CRNKL1: variants seen among roughly 807,000 people sequenced by gnomAD.
CRNKL1 encodes the protein crooked neck pre-mRNA splicing factor 1.
CRNKL1 carries 35 observed loss-of-function variants against 103.7 expected under a neutral mutation model. The ratio of observed to expected loss-of-function variants is 0.34; its 90% confidence interval spans 0.26 to 0.45. CRNKL1 has a LOEUF of 0.45. CRNKL1 is among the 20% of genes least tolerant of loss of function. CRNKL1 has a pLI of 1.00. For synonymous variants in CRNKL1, 267 were observed against 282.6 expected (o/e 0.94, Z 0.55); for missense variants, 645 against 836.0 (o/e 0.77, Z 2.82).
Position 20,035,689 on chromosome 20 carries a change from A to C in CRNKL1, c.*506T>G, listed in dbSNP as rs2043408390. The stretch of plus-strand genomic sequence containing the variant: ...AGAACAAACAATTTACTGAGCACTT[A>C]CTATGCACCCACCAGGTATATTCCT... On this transcript the variant is annotated 3_prime_UTR_variant, in exon 14 of 14. Transcript: ENST00000536226. The C allele has an allele frequency of 6.5e-6, 1 of 153,362 alleles. No homozygotes were observed. The highest frequency in any genetic ancestry group is 2.4e-5 in the African/African-American group (1 of 41,478). 9.5% of individuals were successfully genotyped at this position (153,362 alleles called of 1,614,324 possible). A position where few individuals can be genotyped will look rare whatever the true frequency, so the allele number is the denominator to read the frequency against.
At chr20:20,053,494 G>A (rs1054261177), upstream of CRNKL1, among the ~76,000 whole-genome samples, 2 of 152,164 alleles carry the variant, frequency 1.3e-5, no homozygotes, top group Non-Finnish European at 2.9e-5. Flanking sequence ...TATGAGGTTG[G>A]ACAAATGTAT....
Position 20,039,653 on chromosome 20 carries a change from T to C in CRNKL1, c.1501A>G (p.Ile501Val), listed in dbSNP as rs765158727. 4 of 1,614,082 alleles carry C rather than the reference T, an allele frequency of 2.5e-6. No individual in the cohort carries two copies. The highest frequency in any genetic ancestry group is 1.6e-4 in the Middle Eastern group (1 of 6,084). ...ILGDIDRARA[I>V]YELAISQPRL... Reference sequence around the variant, plus strand: ...GGCTGACTGATGGCTAATTCATAGATTGCCCGTGCTCTGTCAATATCACCA... The same window carrying C: ...GGCTGACTGATGGCTAATTCATAGACTGCCCGTGCTCTGTCAATATCACCA... Residue 501 changes from isoleucine to valine, a missense_variant, in exon 11 of 14, where the codon ATC becomes GTC. Coordinates refer to ENST00000536226, the MANE Select transcript of CRNKL1 (RefSeq NM_001278628.2).
At position 20,049,232 on chromosome 20, in the gene CRNKL1, A is replaced by C. The variant is rs528931290; in HGVS notation, c.296+108T>G. ...CATGGAACCAAAGTTGAAAATTTCT[A>C]CCCGAGGCACAATCTTTTACCTGTG... On this transcript the variant is annotated intron_variant, in intron 3 of 13. Coordinates refer to ENST00000536226, the MANE Select transcript of CRNKL1 (RefSeq NM_001278628.2). 4.5e-6 allele frequency: 3 copies of C among 669,534 alleles called. No homozygotes were observed. The South Asian group carries it at 6.5e-5, about 14-fold the overall frequency. The allele number at this position is 669,534 out of a possible 1,614,324, so 41.5% of individuals were successfully genotyped here. A position where few individuals can be genotyped will look rare whatever the true frequency, so the allele number is the denominator to read the frequency against.
Position 20,036,146 on chromosome 20 carries a change from A to G in CRNKL1, c.*49T>C. 1 of 1,582,312 alleles carries G rather than the reference A, an allele frequency of 6.3e-7. No homozygotes were observed. The highest frequency in any genetic ancestry group is 1.4e-5 in the African/African-American group (1 of 73,754). On this transcript the variant is annotated 3_prime_UTR_variant, in exon 14 of 14. Coordinates refer to ENST00000536226, the MANE Select transcript of CRNKL1 (RefSeq NM_001278628.2). The stretch of plus-strand genomic sequence containing the variant: ...AACTTCCAGGAGTCACAAGAGTTCC[A>G]AACAATTAATTTATAAAAATAACAA...
rs752054296 is a variant in CRNKL1, at chr20:20,034,781, T to C, written c.*1414A>G. On this transcript the variant is annotated 3_prime_UTR_variant, in exon 14 of 14. Coordinates refer to ENST00000536226, the MANE Select transcript of CRNKL1 (RefSeq NM_001278628.2). ...TTATCTCAACAACAGTCCTAGTTTC[T>C]TCTGTCCTCAAACACTGTTATTTAT... is the stretch of plus-strand genomic sequence containing the variant. 2 of 152,240 alleles carry C rather than the reference T, an allele frequency of 1.3e-5. No homozygotes were observed. Among genetic ancestry groups the C allele is most frequent in the Non-Finnish European group, 2.9e-5 (2 of 68,044 alleles). The allele number at this position is 152,240 out of a possible 1,614,324, so 9.4% of individuals were successfully genotyped here.
intron 2 of CRNKL1, among the ~76,000 whole-genome samples, chr20:20,049,974 C>T (rs1247320904): frequency 1.1e-4 from 16 of 152,140 alleles, no homozygotes; most frequent in Admixed American, 2.0e-4. Flanking sequence ...CCTGCCACCA[C>T]GCCTGGCTAA....
intron 2 of CRNKL1, 44 bp downstream of exon 2, chr20:20,050,426 C>A: frequency 6.4e-7 from 1 of 1,572,060 alleles, no homozygotes; most frequent in Non-Finnish European, 8.7e-7. Flanking sequence ...CTGACCGATA[C>A]AGTCTTAACA....
At position 20,047,771 on chromosome 20, in the gene CRNKL1, C is replaced by G; in HGVS notation, c.616G>C (p.Glu206Gln). 6.2e-7 allele frequency: 1 copy of G among 1,614,030 alleles called. No homozygotes were observed. The highest frequency in any genetic ancestry group is 8.5e-7 in the Non-Finnish European group (1 of 1,179,906). The change falls in exon 5 of 14, where the codon GAG becomes CAG. Residue 206 changes from glutamate to glutamine, a missense_variant. By Grantham distance (29) the Glu-to-Gln change is conservative. Coordinates refer to ENST00000536226, the MANE Select transcript of CRNKL1 (RefSeq NM_001278628.2). ...GATCTCGTCCAAAGGATATATCGCT[C>G]ATAAATGGTGCGGGCCCGATCCACC... ...KEVDRARTIY[E>Q]RFVLVHPDVK...
chr20:20,038,970 G>A (rs2043467453), intron 11 of CRNKL1, among the ~76,000 whole-genome samples: 1 of 152,208 alleles, frequency 6.6e-6, no homozygotes, highest in African/African-American at 2.4e-5. Flanking sequence ...GTCTGGTGGA[G>A]GAGCCGAGGA....
Position 20,040,760 on chromosome 20 carries a change from A to G in CRNKL1, c.1231T>C (p.Phe411Leu), listed in dbSNP as rs761873225. ...GCATACAGTATCCACATTTTGGCAA[A>G]TGTGAACTAGAAAACAAAAGCACAA... ...LELIPHKKFTFAKMWILYAQF... is the reference protein window; with the variant it reads ...LELIPHKKFTLAKMWILYAQF... The change falls in exon 10 of 14, where the codon TTT (phenylalanine) becomes CTT (leucine). Residue 411 changes from phenylalanine to leucine, a missense_variant. Physicochemically the swap from Phe to Leu is conservative, Grantham distance 22. Around this residue, in one of 2 missense-constraint regions of CRNKL1, gnomAD observed 582 missense variants for 707.7 expected, o/e 0.82. Coordinates refer to ENST00000536226, the MANE Select transcript of CRNKL1 (RefSeq NM_001278628.2). The G allele has an allele frequency of 3.1e-6, 5 of 1,606,950 alleles. No homozygotes were observed. In the South Asian group the frequency reaches 5.6e-5, roughly 18 times the overall value.
chr20:20,041,457 TG>T, intron 9 of CRNKL1, 108 bp downstream of exon 9: 1 of 867,296 alleles, frequency 1.2e-6, no homozygotes, highest in South Asian at 1.5e-5. Flanking sequence ...TTGTCCATGG[TG>T]GGACAGGGAA....
In CRNKL1 at chr20:20,042,400, A is replaced by T. The variant is rs776317200; in HGVS notation, c.1089T>A (p.Ile363=). 2 of 1,614,142 alleles carry T rather than the reference A, an allele frequency of 1.2e-6. No homozygotes were observed. Among genetic ancestry groups the T allele is most frequent in the Non-Finnish European group, 1.7e-6 (2 of 1,180,010 alleles). Residue 363 remains isoleucine (I), a synonymous_variant, in exon 8 of 14, where the codon ATT becomes ATA. Coordinates refer to ENST00000536226, the MANE Select transcript of CRNKL1 (RefSeq NM_001278628.2). ...YERAIANVPP[I]QEKRHWKRYI... is the part of the protein sequence containing the mutation. ...AGCGCTTCCAGTGCCTCTTCTCCTG[A>T]ATGGGTGGGACATTGGCAATGGCCC...
chr20:20,038,902 G>A lies in CRNKL1; in HGVS notation c.1546-452C>T, dbSNP rs150354899. Among the ~76,000 whole-genome samples the A allele has an allele frequency of 9.2e-5, 14 of 152,322 alleles. No homozygotes were observed. The East Asian group carries it at 2.7e-3, about 29-fold the overall frequency. ...CTGAACAGGTGCGCACTGGCTCGGTGCAGCCTGGCAGGGAATAAGGATGAA... is the reference window on the plus strand; with the variant it reads ...CTGAACAGGTGCGCACTGGCTCGGTACAGCCTGGCAGGGAATAAGGATGAA... On this transcript the variant is annotated intron_variant, in intron 11 of 13. Transcript: ENST00000536226.
chr20:20,036,438 G>A (rs1339563248), intron 13 of CRNKL1, 76 bp from the exon 14 acceptor site: 2 of 1,368,490 alleles, frequency 1.5e-6, no homozygotes, highest in Non-Finnish European at 2.0e-6. Context: ...ATTTTTACTG[G>A]AAATCCGGAT....
At chr20:20,045,622 C>G (rs762268723) in intron 5 of CRNKL1, 136 bp from the exon 6 acceptor site, 33 of 718,726 alleles carry the variant, frequency 4.6e-5, no homozygotes, top group Non-Finnish European at 7.3e-5. Context: ...AAAACACATA[C>G]AAAAGTGTAG....
chr20:20,049,608 AC>A (rs2043652605), intron 2 of CRNKL1, among the ~76,000 whole-genome samples, 177 bp from the exon 3 acceptor site: 1 of 152,204 alleles, frequency 6.6e-6, no homozygotes, highest in Non-Finnish European at 1.5e-5. Flanking sequence ...CAGTCAACTA[AC>A]TGATACTTTA....
intron 7 of CRNKL1, 152 bp from the exon 8 acceptor site, chr20:20,042,668 T>C: frequency 1.5e-6 from 1 of 683,074 alleles, no homozygotes; most frequent in Non-Finnish European, 2.4e-6. Flanking sequence ...AAAAACACCA[T>C]CCCTGAGACT....
At chr20:20,040,822 G>T in intron 9 of CRNKL1, 56 bp from the exon 10 acceptor site, 2 of 1,202,930 alleles carry the variant, frequency 1.7e-6, no homozygotes, top group Non-Finnish European at 2.4e-6. Flanking sequence ...AAATTAAATT[G>T]AATTAAAATT....
At position 20,049,323 on chromosome 20, in the gene CRNKL1, A is replaced by C; in HGVS notation, c.296+17T>G. On this transcript the variant is annotated intron_variant, in intron 3 of 13. Transcript: ENST00000536226. Reference sequence around the variant, plus strand: ...TATGAATCATTATATACAAAACTACACTCTCAGTAATTTTACCTTTGAATC... The same window carrying C: ...TATGAATCATTATATACAAAACTACCCTCTCAGTAATTTTACCTTTGAATC... The C allele has an allele frequency of 7.6e-7, 1 of 1,317,760 alleles. No homozygotes were observed. The highest frequency in any genetic ancestry group is 1.2e-5 in the South Asian group (1 of 81,040). 81.6% of individuals were successfully genotyped at this position (1,317,760 alleles called of 1,614,324 possible). A position where few individuals can be genotyped will look rare whatever the true frequency, so the allele number is the denominator to read the frequency against.
Sources: gnomAD v4.1 joint callset for allele counts (sites outside exome capture counted in the v4.1 genomes callset) on GRCh38, gnomAD v4.1.1 for gene constraint, gnomAD v4.1.1 regional missense constraint, MANE v1.5 for transcripts, NCBI Gene and HGNC (gene_info 2026-07-23, HGNC 2026-07-21) for gene names.